Variants in FAM124B observed in about 807,000 individuals in gnomAD.
FAM124B encodes family with sequence similarity 124 member B.
A neutral mutation model predicts 19.7 loss-of-function variants in FAM124B; 18 were observed. The ratio of observed to expected loss-of-function variants is 0.92; its 90% CI spans 0.63 to 1.36. The LOEUF is 1.36. Among genes scored for constraint, FAM124B ranks in the 40% most tolerant of loss-of-function variants. The pLI is 0.00. For synonymous variants in FAM124B, 223 were observed against 225.2 expected, an observed-to-expected ratio of 0.99 and a Z score of 0.09; for missense variants, 540 against 553.3, an observed-to-expected ratio of 0.98 and a Z score of 0.24.
intron 1 of FAM124B, among the ~76,000 whole-genome samples, chr2:224,385,391 G>A (rs922196965): frequency 2.6e-5 from 4 of 151,966 alleles, no homozygotes; most frequent in Non-Finnish European, 4.4e-5. Context: ...CCCCTTCTCC[G>A]TTTCCATTGA....
chr2:224,395,895 C>T (rs1232928945), intron 1 of FAM124B, among the ~76,000 whole-genome samples: 1 of 152,192 alleles, frequency 6.6e-6, no homozygotes, highest in African/African-American at 2.4e-5. Context: ...ACATGGTCTC[C>T]AGGAGCTTCT....
Position 224,401,844 on chromosome 2 carries a change from A to T in FAM124B, c.-76T>A, listed in dbSNP as rs577334441. 18 of 1,514,582 alleles carry T rather than the reference A, an allele frequency of 1.2e-5. No homozygotes were observed. The highest frequency in any genetic ancestry group is 1.5e-5 in the Non-Finnish European group (17 of 1,127,088). 93.8% of individuals were successfully genotyped at this position (1,514,582 alleles called of 1,614,324 possible). ...TTCAAGTTTCTGAAATGAATGAAGA[A>T]GCGGCCCAGCCTTCAGCCCGCCTGA... On this transcript the variant is annotated 5_prime_UTR_variant, in exon 1 of 2. Coordinates refer to ENST00000409685, the MANE Select transcript of FAM124B (RefSeq NM_001122779.2).
intron 1 of FAM124B, among the ~76,000 whole-genome samples, chr2:224,388,548 G>A (rs1297898639): frequency 1.1e-4 from 17 of 152,148 alleles, no homozygotes; most frequent in African/African-American, 3.4e-4. Context: ...AAGTAGAATC[G>A]AGGTTACCAA....
chr2:224,389,591 C>A (rs1040202780), intron 1 of FAM124B, among the ~76,000 whole-genome samples: 10 of 151,942 alleles, frequency 6.6e-5, no homozygotes, highest in African/African-American at 2.4e-4. Flanking sequence ...ACCTGGGCAA[C>A]TGGGAGAAGA....
At position 224,392,716 on chromosome 2, in the gene FAM124B, C is replaced by G. The variant is rs1689907445; in HGVS notation, c.732+8321G>C. ...GTTGCAATGAGCCGAGATCACACTA[C>G]TGCACTTCAGTCTGGGCAACAGACC... On this transcript the variant is annotated intron_variant, in intron 1 of 1. Transcript: ENST00000409685. 2.0e-5 allele frequency among the ~76,000 whole-genome samples: 3 copies of G among 151,878 alleles called. No homozygotes were observed. In the South Asian group the frequency reaches 6.3e-4, roughly 32 times the overall value.
Position 224,401,323 on chromosome 2 carries a change from T to G in FAM124B, c.446A>C (p.Tyr149Ser), listed in dbSNP as rs150435753. ...RVTLYCSFDNYEDAIRLYEMI... is the reference protein window; with the variant it reads ...RVTLYCSFDNSEDAIRLYEMI... ...CTCGTAGAGTCTGATGGCGTCTTCATAGTTATCAAAACTGCAGTACAGCGT... is the reference window on the plus strand; with the variant it reads ...CTCGTAGAGTCTGATGGCGTCTTCAGAGTTATCAAAACTGCAGTACAGCGT... The change falls in exon 1 of 2, where the codon TAT (tyrosine) becomes TCT (serine). Residue 149 changes from tyrosine (Y) to serine (S), a missense_variant. Tyr to Ser is a moderately radical substitution (Grantham distance 144, BLOSUM62 -2). Transcript: ENST00000409685. 9.7e-5 allele frequency: 157 copies of G among 1,613,970 alleles called. 1 individual carries two copies. In the Middle Eastern group the frequency reaches 1.3e-3, roughly 14 times the overall value.
At chr2:224,396,515 G>C (rs1689972076) in intron 1 of FAM124B, among the ~76,000 whole-genome samples, 1 of 152,152 alleles carries the variant, frequency 6.6e-6, no homozygotes, top group Non-Finnish European at 1.5e-5. Context: ...TTGTGGTTAT[G>C]GTTCTTCCTT....
intron 1 of FAM124B, among the ~76,000 whole-genome samples, chr2:224,390,703 TGTTTG>T (rs778300302): frequency 0.016 from 2,294 of 145,576 alleles, 79 homozygotes; most frequent in African/African-American, 0.054. Context: ...CTTTTTTTTT[TGTTTG>T]TTTGTTTTTT....
chr2:224,394,402 C>T (rs1689936259), intron 1 of FAM124B, among the ~76,000 whole-genome samples: 1 of 152,134 alleles, frequency 6.6e-6, no homozygotes, highest in Admixed American at 6.5e-5. Flanking sequence ...TCCTCTTCTT[C>T]ACCCTCCATG....
Position 224,379,942 on chromosome 2 carries a change from G to C in FAM124B, c.999C>G (p.His333Gln). 3 of 1,551,842 alleles carry C rather than the reference G, an allele frequency of 1.9e-6. No homozygotes were observed. The highest frequency in any genetic ancestry group is 2.6e-6 in the Non-Finnish European group (3 of 1,147,026). Residue 333 changes from histidine to glutamine, a missense_variant, in exon 2 of 2, where the codon CAC becomes CAG. Physicochemically the swap from His to Gln is conservative, Grantham distance 24. Coordinates refer to ENST00000409685, the MANE Select transcript of FAM124B (RefSeq NM_001122779.2). ...VSSPAMGAHL[H>Q]LSSHHLESGA... The stretch of plus-strand genomic sequence containing the variant: ...CGGATTCAAGGTGATGAGAAGACAG[G>C]TGCAGGTGGGCACCCATAGCTGGGC...
At chr2:224,381,102 T>C (rs1311227980) in intron 1 of FAM124B, among the ~76,000 whole-genome samples, 2 of 152,186 alleles carry the variant, frequency 1.3e-5, no homozygotes, top group Non-Finnish European at 2.9e-5. Context: ...GATCCATCCC[T>C]ACCTGGCCCA....
chr2:224,391,630 A>G (rs1689890494), intron 1 of FAM124B, among the ~76,000 whole-genome samples: 1 of 152,210 alleles, frequency 6.6e-6, no homozygotes, highest in Non-Finnish European at 1.5e-5. Context: ...GGAAATCAAA[A>G]CACTATATAT....
intron 1 of FAM124B, among the ~76,000 whole-genome samples, chr2:224,396,589 T>C (rs1312173449): frequency 6.6e-6 from 1 of 152,180 alleles, no homozygotes; most frequent in Non-Finnish European, 1.5e-5. Flanking sequence ...TGTATTTGTC[T>C]CCTCCGCCCT....
chr2:224,401,896 T>C lies in FAM124B; in HGVS notation c.-128A>G. 2 of 1,117,726 alleles carry C rather than the reference T, an allele frequency of 1.8e-6. No individual in the cohort carries two copies. Among genetic ancestry groups the C allele is most frequent in the Non-Finnish European group, 2.5e-6 (2 of 793,324 alleles). The allele number at this position is 1,117,726 out of a possible 1,614,324, so 69.2% of individuals were successfully genotyped here. Reference sequence around the variant, plus strand: ...AACCTTCAGCTGCAGCGGCTACTTCTGAGCAGAGCTCTTAACCAGACTAAC... The same window carrying C: ...AACCTTCAGCTGCAGCGGCTACTTCCGAGCAGAGCTCTTAACCAGACTAAC... On this transcript the variant is annotated 5_prime_UTR_variant, in exon 1 of 2. Transcript: ENST00000409685.
intron 1 of FAM124B, chr2:224,400,615 G>T: frequency 1.7e-6 from 1 of 603,660 alleles, no homozygotes; most frequent in Non-Finnish European, 2.9e-6. Context: ...AGCCCAAAGA[G>T]TAAACAAAGG....
intron 1 of FAM124B, among the ~76,000 whole-genome samples, chr2:224,382,603 T>C (rs1689740495): frequency 6.6e-6 from 1 of 152,068 alleles, no homozygotes; most frequent in Non-Finnish European, 1.5e-5. Context: ...GAGATGAGGT[T>C]TCTCCATATT....
intron 1 of FAM124B, among the ~76,000 whole-genome samples, chr2:224,394,101 G>A (rs748477263): frequency 5.3e-5 from 8 of 152,246 alleles, no homozygotes; most frequent in African/African-American, 9.6e-5. Context: ...CAATCTCCTC[G>A]TCCTCCTGGC....
rs199522881 is a variant in FAM124B at position 224,401,098 on chromosome 2, A to G, written c.671T>C (p.Met224Thr). ...QLVPLLPNPC[M>T]PISSTRWQTQ... is the part of the protein sequence containing the mutation. ...CTGCCACCTGGTGCTGCTGATAGGC[A>G]TGCATGGATTGGGTAGCAGAGGCAC... is the stretch of plus-strand genomic sequence containing the variant. Residue 224 changes from methionine (M) to threonine (T), a missense_variant, in exon 1 of 2, where the codon ATG becomes ACG. Coordinates refer to ENST00000409685, the MANE Select transcript of FAM124B (RefSeq NM_001122779.2). The G allele has an allele frequency of 2.5e-6, 4 of 1,614,046 alleles. No homozygotes were observed. In the African/African-American group the frequency reaches 4.0e-5, roughly 16 times the overall value.
Position 224,379,654 on chromosome 2 carries a change from C to T in FAM124B, c.1287G>A (p.Arg429=). 1.3e-6 allele frequency: 2 copies of T among 1,551,580 alleles called. No individual in the cohort carries two copies. Among genetic ancestry groups the T allele is most frequent in the Non-Finnish European group, 1.7e-6 (2 of 1,146,968 alleles). ...GAAGGAGACATTCTGAAATTGTCTTCCTGGTACCAAGGTCCCTTTGGCCAG... is the reference window on the plus strand; with the variant it reads ...GAAGGAGACATTCTGAAATTGTCTTTCTGGTACCAAGGTCCCTTTGGCCAG... ...PLAGQRDLGT[R]KTISECLLHL... The change falls in exon 2 of 2, where the codon AGG becomes AGA. Residue 429 remains arginine (R), a synonymous_variant. Transcript: ENST00000409685.
Sources: allele counts gnomAD v4.1 joint callset (sites outside exome capture counted in the v4.1 genomes callset), GRCh38; gene constraint gnomAD v4.1.1; transcripts MANE v1.5; gene names NCBI Gene and HGNC (gene_info 2026-07-23, HGNC 2026-07-21).